MCRS1: variants seen among roughly 807,000 people sequenced by gnomAD.
MCRS1 encodes the protein microspherule protein 1.
MCRS1 carries 22 observed loss-of-function variants against 62.9 expected under a neutral mutation model. The ratio of observed to expected loss-of-function variants is 0.35; its 90% confidence interval spans 0.25 to 0.50. MCRS1 has a LOEUF of 0.50. Among genes scored for constraint, MCRS1 ranks in the 20% least tolerant of loss-of-function variants. The pLI, the probability that MCRS1 is intolerant of heterozygous loss-of-function variation, is 0.98. For synonymous variants in MCRS1, 244 were observed against 233.5 expected, an observed-to-expected ratio of 1.04 and a Z score of -0.41; for missense variants, 456 against 601.1, an observed-to-expected ratio of 0.76 and a Z score of 2.52.
rs377377830 is a variant in MCRS1 at position 49,562,852 on chromosome 12, G to GT, written c.805+148dup. 1,902 of 1,045,610 alleles carry GT rather than the reference G, an allele frequency of 1.8e-3. 9 individuals carry two copies. Among genetic ancestry groups the GT allele is most frequent in the South Asian group, 0.011 (469 of 43,662 alleles). The allele number at this position is 1,045,610 out of a possible 1,614,324, so 64.8% of individuals were successfully genotyped here. A position where few individuals can be genotyped will look rare whatever the true frequency, so the allele number is the denominator to read the frequency against. ...AGCCACTTTCTCTCTCTGGAAAGTA[G>GT]TTTTTTTTGCAATGTGAGGTGAACA... On this transcript the variant is annotated intron_variant, in intron 8 of 14. Coordinates refer to ENST00000343810, the MANE Select transcript of MCRS1 (RefSeq NM_006337.5).
rs1939042574 is a variant in MCRS1 at position 49,566,092 on chromosome 12, C to T, written c.134G>A (p.Arg45Gln). The change falls in exon 3 of 15, where the codon CGG becomes CAG. Residue 45 changes from arginine to glutamine, a missense_variant. Arg to Gln is a conservative substitution (Grantham distance 43). This residue lies in a region of MCRS1 where 8 missense variants were observed against 28.3 expected (regional missense o/e 0.28). Coordinates refer to ENST00000343810, the MANE Select transcript of MCRS1 (RefSeq NM_006337.5). ...SSQALGTIPK[R>Q]RSSSRFIKRK... ...CCCTTACTACCTGGAGGAGCTTCTC[C>T]GTTTAGGGATGGTGCCCAAGGCCTG... 1.9e-6 allele frequency: 3 copies of T among 1,613,964 alleles called. No individual in the cohort carries two copies. Among genetic ancestry groups the T allele is most frequent in the Non-Finnish European group, 1.7e-6 (2 of 1,179,908 alleles).
rs746645644 is a variant in MCRS1, at chr12:49,559,932, T to C, written c.910+7A>G. ...ATCCCCTCACCACCCCATGAGGCCA[T>C]ACTTACCATGTTCCAGGACCTCATC... On this transcript the variant is annotated splice_region_variant and intron_variant, in intron 10 of 14. Coordinates refer to ENST00000343810, the MANE Select transcript of MCRS1 (RefSeq NM_006337.5). The surrounding 1 kb of genome is among the most constrained non-coding windows in gnomAD (Gnocchi z 5.2). 8 of 1,614,070 alleles carry C rather than the reference T, an allele frequency of 5.0e-6. No individual in the cohort carries two copies. Among genetic ancestry groups the C allele is most frequent in the Middle Eastern group, 1.6e-4 (1 of 6,084 alleles).
chr12:49,564,669 G>A lies in MCRS1; in HGVS notation c.447+68C>T, dbSNP rs1392052706. 3.7e-5 allele frequency: 60 copies of A among 1,604,746 alleles called. 1 individual carries two copies. Among genetic ancestry groups the A allele is most frequent in the Non-Finnish European group, 8.5e-7 (1 of 1,173,596 alleles). Reference sequence around the variant, plus strand: ...TTTGCCACCCACAGGGCCCTGTTGGGCTAATTTTGGGGTGCGAACTGGAGG... The same window carrying A: ...TTTGCCACCCACAGGGCCCTGTTGGACTAATTTTGGGGTGCGAACTGGAGG... On this transcript the variant is annotated intron_variant, in intron 5 of 14. Coordinates refer to ENST00000343810, the MANE Select transcript of MCRS1 (RefSeq NM_006337.5).
chr12:49,560,722 TG>T (rs1938721778), intron 8 of MCRS1, among the ~76,000 whole-genome samples: 1 of 152,188 alleles, frequency 6.6e-6, no homozygotes, highest in Non-Finnish European at 1.5e-5. Flanking sequence ...GGTTAAACTA[TG>T]TGACCCTAGT....
In MCRS1 at chr12:49,558,580, C is replaced by T. The variant is rs1312877995; in HGVS notation, c.*63G>A. The T allele has an allele frequency of 2.4e-5, 38 of 1,553,180 alleles. No individual in the cohort carries two copies. Among genetic ancestry groups the T allele is most frequent in the Non-Finnish European group, 3.3e-5 (37 of 1,132,732 alleles). On this transcript the variant is annotated 3_prime_UTR_variant, in exon 15 of 15. Transcript: ENST00000343810. ...TTTCCAGGAGCCTGAGTTCCCAGCT[C>T]AAGGGGGCTGGAGTGGCAGGGGAAA...
intron 2 of MCRS1, 185 bp from the exon 3 acceptor site, chr12:49,566,400 A>T (rs759442367): frequency 6.3e-7 from 1 of 1,575,782 alleles, no homozygotes; most frequent in Non-Finnish European, 8.6e-7. Flanking sequence ...CCTGGCCCAG[A>T]CCTTCCACGC....
At chr12:49,562,915 C>T (rs1592525225) in intron 8 of MCRS1, 86 bp downstream of exon 8, 1 of 1,471,424 alleles carries the variant, frequency 6.8e-7, no homozygotes, top group East Asian at 2.4e-5. Flanking sequence ...TTACAGGGCA[C>T]TTGAAGGCAG....
At chr12:49,563,223 C>G in intron 7 of MCRS1, 84 bp from the exon 8 acceptor site, 1 of 1,525,464 alleles carries the variant, frequency 6.6e-7, no homozygotes, top group South Asian at 1.2e-5. Flanking sequence ...CCCACCTCAG[C>G]ATCCCCCAGG....
chr12:49,558,766 G>A (rs1270825952), intron 14 of MCRS1, 37 bp from the exon 15 acceptor site: 8 of 1,613,586 alleles, frequency 5.0e-6, no homozygotes, highest in Non-Finnish European at 6.8e-6. Flanking sequence ...GACAGAGGTG[G>A]CACCAGGACC....
At position 49,559,208 on chromosome 12, in the gene MCRS1, G is replaced by A. The variant is rs1360279171; in HGVS notation, c.1174+6C>T. The A allele has an allele frequency of 5.0e-6, 8 of 1,613,096 alleles. No individual in the cohort carries two copies. The highest frequency in any genetic ancestry group is 6.8e-6 in the Non-Finnish European group (8 of 1,179,322). On this transcript the variant is annotated splice_donor_region_variant and intron_variant, in intron 13 of 14. Coordinates refer to ENST00000343810, the MANE Select transcript of MCRS1 (RefSeq NM_006337.5). The surrounding 1 kb of genome is among the most constrained non-coding windows in gnomAD (Gnocchi z 5.2). ...GCTTCCTGCTGGGGCAGGGGGTGGG[G>A]GATACCTTGTTTCCGGGATATCTTC...
At position 49,559,891 on chromosome 12, in the gene MCRS1, T is replaced by G; in HGVS notation, c.910+48A>C. The G allele has an allele frequency of 1.2e-6, 2 of 1,614,110 alleles. No homozygotes were observed. The highest frequency in any genetic ancestry group is 1.7e-6 in the Non-Finnish European group (2 of 1,179,990). ...AGCACCTTGTACTGGTCCTCTTGAT[T>G]CTGGCAGGAGCTTCCATCCCCTCAC... On this transcript the variant is annotated intron_variant, in intron 10 of 14. Transcript: ENST00000343810. This position sits in a 1 kb window ranked among gnomAD's most constrained non-coding sequence, Gnocchi z 5.2.
chr12:49,567,285 G>GT lies in MCRS1; in HGVS notation c.-110-445dup, dbSNP rs574378983. On this transcript the variant is annotated intron_variant, in intron 1 of 14. Coordinates refer to ENST00000343810, the MANE Select transcript of MCRS1 (RefSeq NM_006337.5). ...GACAAAACTCCAACCAGTCCATCTCGTTTTTTTTTTGTTTTTCTTTTCCAT... is the reference window on the plus strand; with the variant it reads ...GACAAAACTCCAACCAGTCCATCTCGTTTTTTTTTTTGTTTTTCTTTTCCAT... 3.6e-3 allele frequency among the ~76,000 whole-genome samples: 532 copies of GT among 148,190 alleles called. 1 individual carries two copies. Among genetic ancestry groups the GT allele is most frequent in the South Asian group, 6.0e-3 (28 of 4,644 alleles).
rs140441357 is a variant in MCRS1, at chr12:49,558,406, T to C, written c.*237A>G. On this transcript the variant is annotated 3_prime_UTR_variant, in exon 15 of 15. Coordinates refer to ENST00000343810, the MANE Select transcript of MCRS1 (RefSeq NM_006337.5). ...GTGAAGGTGGCAATGGGGGGTAGGG[T>C]TGTTTTTAGAGAGAGGAAGATGGGG... The C allele has an allele frequency of 1.8e-3, 944 of 537,830 alleles. 7 individuals carry two copies. Among genetic ancestry groups the C allele is most frequent in the African/African-American group, 0.016 (834 of 52,652 alleles). The allele number at this position is 537,830 out of a possible 1,614,324, so 33.3% of individuals were successfully genotyped here.
chr12:49,559,797 T>C lies in MCRS1; in HGVS notation c.935A>G (p.Gln312Arg). 1 of 1,614,224 alleles carries C rather than the reference T, an allele frequency of 6.2e-7. No individual in the cohort carries two copies. The change falls in exon 11 of 15, where the codon CAG becomes CGG. Residue 312 changes from glutamine (Q) to arginine (R), a missense_variant. Physicochemically the swap from Gln to Arg is conservative, Grantham distance 43. Around this residue, in one of 3 missense-constraint regions of MCRS1, gnomAD observed 393 missense variants for 523.5 expected, o/e 0.75. Transcript: ENST00000343810. The surrounding 1 kb of genome is among the most constrained non-coding windows in gnomAD (Gnocchi z 5.2). ...TTCCAGCTGCCGAATCTCTCGCTTC[T>C]GGCGCCGGTCAGCCACCATCAGCTC... Reference protein sequence around the residue: ...EHELMVADRRQKREIRQLEQE... With the variant: ...EHELMVADRRRKREIRQLEQE...
chr12:49,558,980 C>T lies in MCRS1; in HGVS notation c.1175-10G>A, dbSNP rs141144057. 13 of 1,610,522 alleles carry T rather than the reference C, an allele frequency of 8.1e-6. No homozygotes were observed. The African/African-American group carries it at 1.5e-4, about 18-fold the overall frequency. ...TTCAGCTTGATGACACCTGTGGAAG[C>T]AGAAAGAAAGAAGGGATGATGGGAT... On this transcript the variant is annotated splice_polypyrimidine_tract_variant and intron_variant, in intron 13 of 14. Transcript: ENST00000343810.
intron 8 of MCRS1, among the ~76,000 whole-genome samples, chr12:49,561,465 A>G (rs1938764011): frequency 6.6e-6 from 1 of 152,198 alleles, no homozygotes; most frequent in African/African-American, 2.4e-5. Context: ...CGCTGACTTG[A>G]CAGCTAAGCA....
chr12:49,561,961 A>C (rs1938792321), intron 8 of MCRS1, among the ~76,000 whole-genome samples: 1 of 152,226 alleles, frequency 6.6e-6, no homozygotes, highest in African/African-American at 2.4e-5. Flanking sequence ...TAGCAGTAAA[A>C]AGAAAAGTTA....
intron 8 of MCRS1, among the ~76,000 whole-genome samples, chr12:49,562,246 C>T (rs1190608109): frequency 2.0e-5 from 3 of 152,206 alleles, no homozygotes; most frequent in Non-Finnish European, 4.4e-5. Context: ...ACTATGTAGA[C>T]GGCAATGGGC....
chr12:49,566,432 C>T lies in MCRS1; in HGVS notation c.11-217G>A, dbSNP rs148437866. 1,363 of 1,572,350 alleles carry T rather than the reference C, an allele frequency of 8.7e-4. 2 individuals carry two copies. The highest frequency in any genetic ancestry group is 1.1e-3 in the Non-Finnish European group (1,310 of 1,158,442). On this transcript the variant is annotated intron_variant, in intron 2 of 14. Transcript: ENST00000343810. ...ACGCTGGGCAGTTCCCCCGGTGCCACGTGTCATGTCGTGCAGCACATGGTG... is the reference window on the plus strand; with the variant it reads ...ACGCTGGGCAGTTCCCCCGGTGCCATGTGTCATGTCGTGCAGCACATGGTG...
Sources: gnomAD v4.1 joint callset for allele counts (sites outside exome capture counted in the v4.1 genomes callset) on GRCh38, gnomAD v4.1.1 for gene constraint, gnomAD v4.1.1 regional missense constraint, Gnocchi (gnomAD v3.1) non-coding constraint, MANE v1.5 for transcripts, NCBI Gene and HGNC (gene_info 2026-07-23, HGNC 2026-07-21) for gene names.